RCSD1: variants seen among roughly 807,000 people sequenced by gnomAD.
RCSD1 encodes the protein capZ-interacting protein.
A neutral mutation model predicts 42.5 loss-of-function variants in RCSD1; 26 were observed. The ratio of observed to expected loss-of-function variants is 0.61; its 90% CI spans 0.45 to 0.85. The LOEUF (loss-of-function observed/expected upper bound fraction) is 0.85, where lower values mean the gene tolerates loss of function less well. Among genes scored for constraint, RCSD1 ranks in the 40% least tolerant of loss-of-function variants. The pLI, the probability that RCSD1 is intolerant of heterozygous loss-of-function variation, is 0.00. For missense variants in RCSD1, 571 were observed against 528.3 expected, an observed-to-expected ratio of 1.08 and a Z score of -0.79; for synonymous variants, 220 against 212.2, an observed-to-expected ratio of 1.04 and a Z score of -0.32.
intron 1 of RCSD1, among the ~76,000 whole-genome samples, chr1:167,667,014 TTTTG>T (rs1480309380): frequency 6.6e-6 from 1 of 152,212 alleles, no homozygotes; most frequent in Non-Finnish European, 1.5e-5. Context: ...GCTGGATGGC[TTTTG>T]TTTCTTTTCC....
At chr1:167,676,951 G>T (rs1230020865) in intron 1 of RCSD1, among the ~76,000 whole-genome samples, 1 of 152,194 alleles carries the variant, frequency 6.6e-6, no homozygotes, top group Admixed American at 6.5e-5. Context: ...CCTGCGTGTG[G>T]GTCCTTTGTG....
At chr1:167,675,104 G>T (rs1424339469) in intron 1 of RCSD1, among the ~76,000 whole-genome samples, 1 of 151,340 alleles carries the variant, frequency 6.6e-6, no homozygotes, top group African/African-American at 2.4e-5. Flanking sequence ...TACTTCGGAG[G>T]CTGAGGCAGG....
At chr1:167,652,039 T>TTTTG (rs56692621) in intron 1 of RCSD1, among the ~76,000 whole-genome samples, 1 of 127,320 alleles carries the variant, frequency 7.9e-6, no homozygotes, top group Non-Finnish European at 1.7e-5. Context: ...TTTTTTTTTT[T>TTTTG]GAGATAGAGT....
intron 4 of RCSD1, among the ~76,000 whole-genome samples, chr1:167,693,450 C>T (rs565002005): frequency 8.2e-4 from 125 of 152,296 alleles, no homozygotes; most frequent in Non-Finnish European, 1.7e-3. Flanking sequence ...ACCTTGATAC[C>T]CCAAGTGGTG....
At chr1:167,645,752 G>T (rs2102202159) in intron 1 of RCSD1, among the ~76,000 whole-genome samples, 1 of 152,294 alleles carries the variant, frequency 6.6e-6, no homozygotes, top group East Asian at 1.9e-4. Context: ...CACATGTGTG[G>T]GTGTGGGTGC....
chr1:167,701,264 C>G lies in RCSD1; in HGVS notation c.1219-3400C>G, dbSNP rs149665778. On this transcript the variant is annotated intron_variant, in intron 6 of 6. Coordinates refer to ENST00000367854, the MANE Select transcript of RCSD1 (RefSeq NM_052862.4). Reference sequence around the variant, plus strand: ...ACCCAATTGCCTAGTTTCTTTCTTTCTTTCTTTCTTTCTTTCTTTCTTTCT... The same window carrying G: ...ACCCAATTGCCTAGTTTCTTTCTTTGTTTCTTTCTTTCTTTCTTTCTTTCT... Among the ~76,000 whole-genome samples, 343 of 123,992 alleles carry G rather than the reference C, an allele frequency of 2.8e-3. 3 individuals are homozygous for G. The highest frequency in any genetic ancestry group is 3.8e-3 in the Non-Finnish European group (226 of 60,080). 81.3% of individuals were successfully genotyped at this position (123,992 alleles called of 152,430 possible).
intron 5 of RCSD1, among the ~76,000 whole-genome samples, chr1:167,694,947 T>C (rs1659461405): frequency 6.6e-6 from 1 of 151,934 alleles, no homozygotes; most frequent in Middle Eastern, 3.2e-3. Flanking sequence ...AGCCAACAAA[T>C]GTGTGCCAGG....
chr1:167,693,548 C>T (rs1209120900), intron 4 of RCSD1, among the ~76,000 whole-genome samples: 4 of 152,236 alleles, frequency 2.6e-5, no homozygotes, highest in African/African-American at 4.8e-5. Flanking sequence ...AAGAGGGAAC[C>T]TGATACCTGG....
intron 1 of RCSD1, among the ~76,000 whole-genome samples, chr1:167,678,618 A>T (rs1659006422): frequency 6.6e-6 from 1 of 151,838 alleles, no homozygotes; most frequent in South Asian, 2.1e-4. Flanking sequence ...GCCTCTGCTC[A>T]CCCTCTTCCA....
At chr1:167,689,014 G>A (rs1659308804) in intron 3 of RCSD1, among the ~76,000 whole-genome samples, 1 of 152,142 alleles carries the variant, frequency 6.6e-6, no homozygotes, top group Non-Finnish European at 1.5e-5. Context: ...AGGCAGACAA[G>A]ATTCCTGGCA....
At chr1:167,651,883 T>C (rs1258730657) in intron 1 of RCSD1, among the ~76,000 whole-genome samples, 1 of 152,168 alleles carries the variant, frequency 6.6e-6, no homozygotes, top group Non-Finnish European at 1.5e-5. Context: ...TCCACTCTTA[T>C]CTGGGGGTTG....
In RCSD1 at chr1:167,690,133, T is replaced by C. The variant is rs1659341967; in HGVS notation, c.270+13T>C. 4 of 1,613,238 alleles carry C rather than the reference T, an allele frequency of 2.5e-6. No homozygotes were observed. Among genetic ancestry groups the C allele is most frequent in the Non-Finnish European group, 3.4e-6 (4 of 1,179,366 alleles). On this transcript the variant is annotated intron_variant, in intron 4 of 6. Transcript: ENST00000367854. ...TGAGAAGCTTCAGGTAAGTGCAGAA[T>C]TCATTGTCTATTGCTACCTTTTATC...
chr1:167,685,252 C>T (rs1659198183), intron 2 of RCSD1, among the ~76,000 whole-genome samples, 169 bp from the exon 3 acceptor site: 1 of 152,150 alleles, frequency 6.6e-6, no homozygotes, highest in Non-Finnish European at 1.5e-5. Context: ...CCCAAAGACA[C>T]GCAGTTCCCT....
intron 1 of RCSD1, among the ~76,000 whole-genome samples, chr1:167,648,609 G>A (rs1415723307): frequency 1.3e-5 from 2 of 152,206 alleles, no homozygotes; most frequent in East Asian, 1.9e-4. Context: ...CACAGGAAAG[G>A]GGTGTGGACC....
chr1:167,687,790 C>G (rs1447251273), intron 3 of RCSD1, among the ~76,000 whole-genome samples: 1 of 152,226 alleles, frequency 6.6e-6, no homozygotes, highest in Non-Finnish European at 1.5e-5. Context: ...GTGGGGTCAG[C>G]CCCCTGACAG....
At position 167,658,768 on chromosome 1, in the gene RCSD1, A is replaced by G. The variant is rs1658481069; in HGVS notation, c.7-25132A>G. On this transcript the variant is annotated intron_variant, in intron 1 of 6. Coordinates refer to ENST00000367854, the MANE Select transcript of RCSD1 (RefSeq NM_052862.4). ...TTTAATGGTTTCCTAATAACCTGTT[A>G]TGTGGATGGGCCATAAACCATTTCC... Among the ~76,000 whole-genome samples the G allele has an allele frequency of 3.3e-5, 5 of 151,870 alleles. 1 individual carries two copies. The South Asian group carries it at 1.0e-3, about 32-fold the overall frequency.
chr1:167,679,728 C>G (rs1182219492), intron 1 of RCSD1, among the ~76,000 whole-genome samples: 1 of 152,208 alleles, frequency 6.6e-6, no homozygotes, highest in Non-Finnish European at 1.5e-5. Context: ...ATGAGGCCTT[C>G]CCTGGGGCCT....
rs1235851889 is a variant in RCSD1 at position 167,697,657 on chromosome 1, G to A, written c.1033G>A (p.Val345Met). ...ETKKLEEGAA[V>M]KETPHSPPGG... is the part of the protein sequence containing the mutation. ...AAAGAAGCTGGAGGAGGGAGCTGCA[G>A]TGAAGGAGACCCCCCACAGTCCCCC... Residue 345 changes from valine to methionine, a missense_variant, in exon 6 of 7, where the codon GTG becomes ATG. Val to Met is a conservative substitution (Grantham distance 21). Transcript: ENST00000367854. 2 of 1,605,860 alleles carry A rather than the reference G, an allele frequency of 1.2e-6. No homozygotes were observed. The highest frequency in any genetic ancestry group is 8.5e-7 in the Non-Finnish European group (1 of 1,176,298).
chr1:167,702,252 AGT>A, intron 6 of RCSD1, among the ~76,000 whole-genome samples: 1 of 152,344 alleles, frequency 6.6e-6, no homozygotes, highest in East Asian at 1.9e-4. Context: ...AAGTTCCATA[AGT>A]GCGCCAAAGG....
Sources: allele counts gnomAD v4.1 joint callset (sites outside exome capture counted in the v4.1 genomes callset), GRCh38; gene constraint gnomAD v4.1.1; transcripts MANE v1.5; gene names NCBI Gene and HGNC (gene_info 2026-07-23, HGNC 2026-07-21).